CCDC80: variants seen among roughly 807,000 people sequenced by gnomAD.
The protein encoded by CCDC80 is coiled-coil domain containing 80.
A neutral mutation model predicts 78.7 loss-of-function variants in CCDC80; 49 were observed. That is an observed-to-expected ratio of 0.62 (90% CI 0.50 to 0.79). The LOEUF is 0.79. Among genes scored for constraint, CCDC80 ranks in the 30% least tolerant of loss-of-function variants. CCDC80 has a pLI of 0.00. For missense variants in CCDC80, 1,205 were observed against 1,198.6 expected, an observed-to-expected ratio of 1.01 and a Z score of -0.08; for synonymous variants, 488 against 447.0, an observed-to-expected ratio of 1.09 and a Z score of -1.16.
rs73231364 is a variant in CCDC80, at chr3:112,625,895, C to T, written c.2035+4218G>A. On this transcript the variant is annotated intron_variant, in intron 3 of 7. Coordinates refer to ENST00000206423, the MANE Select transcript of CCDC80 (RefSeq NM_199511.3). ...GAAAAATTAAACAAAAACAAAAATA[C>T]CTTGATCTAGTCATTATTCTATCAA... is the stretch of plus-strand genomic sequence containing the variant. 7.5e-3 allele frequency among the ~76,000 whole-genome samples: 1,137 copies of T among 152,146 alleles called. 5 individuals carry two copies. The highest frequency in any genetic ancestry group is 0.012 in the Non-Finnish European group (788 of 67,982).
intron 2 of CCDC80, among the ~76,000 whole-genome samples, chr3:112,636,843 C>A (rs1047310927): frequency 2.0e-5 from 3 of 152,148 alleles, no homozygotes; most frequent in African/African-American, 7.2e-5. Context: ...ACTCACATTA[C>A]CCAACATCAA....
At chr3:112,624,003 C>T (rs974323347) in intron 3 of CCDC80, among the ~76,000 whole-genome samples, 1 of 152,164 alleles carries the variant, frequency 6.6e-6, no homozygotes, top group Non-Finnish European at 1.5e-5. Flanking sequence ...TACATCCTTT[C>T]AGGCTGGCAC....
chr3:112,622,294 T>C (rs11922317), intron 3 of CCDC80, among the ~76,000 whole-genome samples: 3,935 of 152,296 alleles, frequency 0.026, 171 homozygotes, highest in African/African-American at 0.089. Context: ...CATTTTGCAC[T>C]CCCAGATTAT....
intron 3 of CCDC80, among the ~76,000 whole-genome samples, chr3:112,621,821 A>C (rs1408681779): frequency 6.6e-6 from 1 of 152,192 alleles, no homozygotes; most frequent in African/African-American, 2.4e-5. Flanking sequence ...ATGTAGTAAA[A>C]GAGGGGATAG....
chr3:112,633,673 ACT>A (rs1031096059), intron 2 of CCDC80, among the ~76,000 whole-genome samples: 2 of 151,938 alleles, frequency 1.3e-5, no homozygotes, highest in African/African-American at 2.4e-5. Flanking sequence ...TGGTGAAAAC[ACT>A]CTCCCTTACA....
intron 1 of CCDC80, 36 bp downstream of exon 1, chr3:112,640,287 CAAAT>C (rs775829114): frequency 4.9e-5 from 10 of 204,670 alleles, no homozygotes; most frequent in East Asian, 2.4e-4. Context: ...AATAAAGAAA[CAAAT>C]AAACAGATCA....
intron 5 of CCDC80, among the ~76,000 whole-genome samples, chr3:112,610,684 G>T (rs1466131438): frequency 7.1e-6 from 1 of 141,038 alleles, no homozygotes; most frequent in East Asian, 2.0e-4. Flanking sequence ...TTTCTAAAAT[G>T]TACCCTATTA....
At chr3:112,636,097 G>A (rs1936202010) in intron 2 of CCDC80, among the ~76,000 whole-genome samples, 1 of 152,148 alleles carries the variant, frequency 6.6e-6, no homozygotes, top group Non-Finnish European at 1.5e-5. Context: ...TGCCCTGTTG[G>A]CTAAATGAAC....
chr3:112,611,397 G>C (rs1043340087), intron 5 of CCDC80, among the ~76,000 whole-genome samples: 2 of 152,062 alleles, frequency 1.3e-5, no homozygotes, highest in African/African-American at 4.8e-5. Flanking sequence ...TATCCATCAC[G>C]GCACCATCAA....
In CCDC80 at chr3:112,640,775, A is replaced by G. The variant is rs1936324166; in HGVS notation, c.-460T>C. The G allele has an allele frequency of 6.6e-6, 1 of 151,930 alleles. No homozygotes were observed. The highest frequency in any genetic ancestry group is 1.5e-5 in the Non-Finnish European group (1 of 68,042). 9.4% of individuals were successfully genotyped at this position (151,930 alleles called of 1,614,324 possible). ...GATCCTTCTTATCTCCCTTTCCCCC[A>G]TAGTCTGGCTTAGTCTCTTTGTTTC... On this transcript the variant is annotated 5_prime_UTR_variant, in exon 1 of 8. It removes an upstream start codon present in the reference 5' UTR. Coordinates refer to ENST00000206423, the MANE Select transcript of CCDC80 (RefSeq NM_199511.3).
chr3:112,635,753 T>A (rs546162812), intron 2 of CCDC80, among the ~76,000 whole-genome samples: 1 of 152,336 alleles, frequency 6.6e-6, no homozygotes, highest in Non-Finnish European at 1.5e-5. Flanking sequence ...GAACCAACAC[T>A]GCCAGGAGCA....
intron 1 of CCDC80, among the ~76,000 whole-genome samples, 193 bp downstream of exon 1, chr3:112,640,134 A>G (rs79859508): frequency 0.034 from 5,225 of 152,292 alleles, 301 homozygotes; most frequent in African/African-American, 0.12. Flanking sequence ...TAACAGAGAC[A>G]GTTACATTAA....
intron 2 of CCDC80, among the ~76,000 whole-genome samples, chr3:112,633,651 G>A (rs901189445): frequency 2.6e-5 from 4 of 152,110 alleles, no homozygotes; most frequent in South Asian, 2.1e-4. Flanking sequence ...TGCAGGCTAC[G>A]ACTTTACCAG....
rs2172196 is a variant in CCDC80, at chr3:112,598,444, A to G, written c.*6973T>C. 0.24 allele frequency: 37,012 copies of G among 152,374 alleles called. 8,613 individuals are homozygous for G. Among genetic ancestry groups the G allele is most frequent in the African/African-American group, 0.6 (24,931 of 41,458 alleles). The allele number at this position is 152,374 out of a possible 1,614,324, so 9.4% of individuals were successfully genotyped here. A position where few individuals can be genotyped will look rare whatever the true frequency, so the allele number is the denominator to read the frequency against. On this transcript the variant is annotated 3_prime_UTR_variant, in exon 8 of 8. Transcript: ENST00000206423. Reference sequence around the variant, plus strand: ...GATAGAGGGGCCTGGGAAAGGAGAAAAGGACCAGGAGAGAGGAAGGTATAC... The same window carrying G: ...GATAGAGGGGCCTGGGAAAGGAGAAGAGGACCAGGAGAGAGGAAGGTATAC...
At position 112,599,063 on chromosome 3, in the gene CCDC80, T is replaced by C. The variant is rs1367839262; in HGVS notation, c.*6354A>G. 2 of 152,062 alleles carry C rather than the reference T, an allele frequency of 1.3e-5. No individual in the cohort carries two copies. Among genetic ancestry groups the C allele is most frequent in the African/African-American group, 4.8e-5 (2 of 41,386 alleles). The allele number at this position is 152,062 out of a possible 1,614,324, so 9.4% of individuals were successfully genotyped here. ...TCTACTCACAGAGGGCCAAGAAAAA[T>C]TCACAAATGTCACAAACTTAGGAAC... is the stretch of plus-strand genomic sequence containing the variant. On this transcript the variant is annotated 3_prime_UTR_variant, in exon 8 of 8. Coordinates refer to ENST00000206423, the MANE Select transcript of CCDC80 (RefSeq NM_199511.3).
chr3:112,629,711 T>C (rs1297194050), intron 3 of CCDC80, among the ~76,000 whole-genome samples: 1 of 152,176 alleles, frequency 6.6e-6, no homozygotes, highest in Admixed American at 6.5e-5. Flanking sequence ...TCCGAGAGTC[T>C]GGCAAGTCCC....
At chr3:112,606,395 CT>C (rs111596250) in intron 7 of CCDC80, among the ~76,000 whole-genome samples, 2,448 of 146,262 alleles carry the variant, frequency 0.017, 62 homozygotes, top group African/African-American at 0.061. Flanking sequence ...AGTCAAGAGT[CT>C]TTTTTTGTTT....
intron 5 of CCDC80, among the ~76,000 whole-genome samples, chr3:112,616,315 G>A (rs1455578440): frequency 6.6e-6 from 1 of 151,920 alleles, no homozygotes; most frequent in Non-Finnish European, 1.5e-5. Context: ...GAACCAGAAG[G>A]GGCCTAATAA....
In CCDC80 at chr3:112,605,464, C is replaced by G; in HGVS notation, c.2806G>C (p.Asp936His). The change falls in exon 8 of 8, where the codon GAT becomes CAT. Residue 936 changes from aspartate to histidine, a missense_variant. Asp to His is a moderately conservative substitution (Grantham distance 81). Coordinates refer to ENST00000206423, the MANE Select transcript of CCDC80 (RefSeq NM_199511.3). ...TAACTCTCATGATGACGGTAGTCAT[C>G]CTGGTAACCATCCTGGTATCCTTGG... is the stretch of plus-strand genomic sequence containing the variant. The part of the protein sequence containing the change: ...YHQGYQDGYQ[D>H]DYRHHESYHH... The G allele has an allele frequency of 6.2e-7, 1 of 1,614,070 alleles. No individual in the cohort carries two copies. Among genetic ancestry groups the G allele is most frequent in the East Asian group, 2.2e-5 (1 of 44,880 alleles).
Sources: allele counts gnomAD v4.1 joint callset (sites outside exome capture counted in the v4.1 genomes callset), GRCh38; gene constraint gnomAD v4.1.1; transcripts MANE v1.5; gene names NCBI Gene and HGNC (gene_info 2026-07-23, HGNC 2026-07-21).